Variants in CORIN observed in about 807,000 individuals in gnomAD.
CORIN encodes the protein atrial natriuretic peptide-converting enzyme.
A neutral mutation model predicts 125.3 loss-of-function variants in CORIN; 117 were observed. That is an observed-to-expected ratio of 0.93 (90% CI 0.80 to 1.09). The LOEUF is 1.09. Among genes scored for constraint, CORIN ranks in the 50% least tolerant of loss-of-function variants. The pLI is 0.00. For missense variants in CORIN, 1,253 were observed against 1,306.7 expected, an observed-to-expected ratio of 0.96 and a Z score of 0.63; for synonymous variants, 450 against 466.4, an observed-to-expected ratio of 0.96 and a Z score of 0.45.
intron 16 of CORIN, among the ~76,000 whole-genome samples, chr4:47,638,181 A>G (rs1014334627): frequency 1.1e-4 from 16 of 152,134 alleles, no homozygotes; most frequent in Non-Finnish European, 2.9e-5. Flanking sequence ...GTATTTACCC[A>G]ATGCCTGTAC....
intron 3 of CORIN, among the ~76,000 whole-genome samples, chr4:47,767,321 G>A (rs562231640): frequency 5.4e-4 from 82 of 151,230 alleles, no homozygotes; most frequent in African/African-American, 1.8e-3. Context: ...CCACCCACAC[G>A]CACAGAATAC....
chr4:47,835,295 C>G (rs950071474), intron 1 of CORIN, among the ~76,000 whole-genome samples: 1 of 152,182 alleles, frequency 6.6e-6, no homozygotes, highest in East Asian at 1.9e-4. Flanking sequence ...ATGGGGCTAA[C>G]AGGATGCATG....
intron 10 of CORIN, among the ~76,000 whole-genome samples, chr4:47,670,571 A>G (rs190341985): frequency 6.6e-6 from 1 of 152,374 alleles, no homozygotes; most frequent in Non-Finnish European, 1.5e-5. Flanking sequence ...GGGAAAATGC[A>G]CGAGTAAGCG....
chr4:47,653,807 T>A (rs561865147), intron 12 of CORIN, 147 bp from the exon 13 acceptor site: 2 of 648,660 alleles, frequency 3.1e-6, no homozygotes, highest in South Asian at 3.9e-5. Flanking sequence ...TGCTTTGGCA[T>A]TCTTCTGCCT....
At chr4:47,678,337 A>G (rs1268556086) in intron 8 of CORIN, among the ~76,000 whole-genome samples, 2 of 152,246 alleles carry the variant, frequency 1.3e-5, no homozygotes, top group Non-Finnish European at 2.9e-5. Flanking sequence ...GGTTCATTAT[A>G]TGGCAAGAGC....
intron 1 of CORIN, among the ~76,000 whole-genome samples, chr4:47,823,060 G>A (rs1037328461): frequency 9.2e-5 from 14 of 152,030 alleles, no homozygotes; most frequent in Admixed American, 4.6e-4. Context: ...TGATCTGTCC[G>A]CCTCGGCCTC....
chr4:47,633,841 C>T (rs540625775), intron 16 of CORIN, among the ~76,000 whole-genome samples: 1 of 152,098 alleles, frequency 6.6e-6, no homozygotes, highest in Non-Finnish European at 1.5e-5. Flanking sequence ...TTTTCTAACA[C>T]AAGTCTTGCT....
chr4:47,620,180 A>C (rs1722249278), intron 19 of CORIN, among the ~76,000 whole-genome samples: 1 of 152,194 alleles, frequency 6.6e-6, no homozygotes, highest in Non-Finnish European at 1.5e-5. Context: ...CCATCTGTGT[A>C]ACTTCCTTAT....
intron 5 of CORIN, chr4:47,706,578 T>C: frequency 6.2e-7 from 1 of 1,607,570 alleles, no homozygotes; most frequent in Non-Finnish European, 8.5e-7. Flanking sequence ...TTAGCCGTGG[T>C]GGCCGAAAAC....
chr4:47,640,308 C>A (rs1723186835), intron 16 of CORIN, among the ~76,000 whole-genome samples: 1 of 152,018 alleles, frequency 6.6e-6, no homozygotes, highest in Admixed American at 6.6e-5. Flanking sequence ...ATTATTCAGT[C>A]ACAAGCAGGA....
At chr4:47,829,289 T>C (rs1465614373) in intron 1 of CORIN, among the ~76,000 whole-genome samples, 3 of 152,200 alleles carry the variant, frequency 2.0e-5, no homozygotes, top group Non-Finnish European at 4.4e-5. Flanking sequence ...TATCTGTTTC[T>C]TTTTGCTTTT....
intron 19 of CORIN, among the ~76,000 whole-genome samples, chr4:47,617,069 G>T (rs1219231075): frequency 6.6e-6 from 1 of 152,106 alleles, no homozygotes; most frequent in Non-Finnish European, 1.5e-5. Flanking sequence ...AAGACATGAT[G>T]GCATCTATTT....
At chr4:47,826,146 C>T (rs1450685376) in intron 1 of CORIN, among the ~76,000 whole-genome samples, 1 of 152,140 alleles carries the variant, frequency 6.6e-6, no homozygotes, top group African/African-American at 2.4e-5. Flanking sequence ...TAGACCCCAG[C>T]GCTAAGGGAA....
intron 10 of CORIN, among the ~76,000 whole-genome samples, chr4:47,669,372 A>C (rs1451632505): frequency 2.0e-5 from 3 of 152,128 alleles, no homozygotes; most frequent in African/African-American, 4.8e-5. Flanking sequence ...ATATTCAAAA[A>C]TTCATCTTTG....
At chr4:47,705,418 A>G (rs770332919) in intron 5 of CORIN, among the ~76,000 whole-genome samples, 3 of 152,248 alleles carry the variant, frequency 2.0e-5, no homozygotes, top group Non-Finnish European at 4.4e-5. Context: ...CAGAAGAGTG[A>G]CAAGTGTAGA....
intron 5 of CORIN, among the ~76,000 whole-genome samples, chr4:47,707,615 A>G (rs1726636011): frequency 6.6e-6 from 1 of 152,248 alleles, no homozygotes; most frequent in Admixed American, 6.5e-5. Flanking sequence ...AGATGAAGCC[A>G]TTATCAGTGA....
rs150763779 is a variant in CORIN at position 47,680,631 on chromosome 4, C to G, written c.1022-380G>C. The G allele has an allele frequency of 7.0e-4, 136 of 194,368 alleles. No homozygotes were observed. In the East Asian group the frequency reaches 0.015, roughly 22 times the overall value. The allele number at this position is 194,368 out of a possible 1,614,324, so 12.0% of individuals were successfully genotyped here. The stretch of plus-strand genomic sequence containing the variant: ...GATTTGTGTTTCACAATGCGGCTAG[C>G]GGATTTGATGTATCTGTAACAGCTC... On this transcript the variant is annotated intron_variant, in intron 7 of 21. Transcript: ENST00000273857.
At chr4:47,614,196 G>T (rs1468867831) in intron 19 of CORIN, among the ~76,000 whole-genome samples, 4 of 152,032 alleles carry the variant, frequency 2.6e-5, no homozygotes, top group South Asian at 2.1e-4. Flanking sequence ...TTCTTTTTTT[G>T]TTGTTGTTGT....
intron 13 of CORIN, among the ~76,000 whole-genome samples, chr4:47,647,964 A>G (rs1038880709): frequency 2.0e-5 from 3 of 152,254 alleles, no homozygotes; most frequent in African/African-American, 7.2e-5. Flanking sequence ...CTCCATAAGC[A>G]TTCACTTTTC....
Sources: allele counts gnomAD v4.1 joint callset (sites outside exome capture counted in the v4.1 genomes callset), GRCh38; gene constraint gnomAD v4.1.1; transcripts MANE v1.5; gene names NCBI Gene and HGNC (gene_info 2026-07-23, HGNC 2026-07-21).